DLGAP2: variants seen among roughly 807,000 people sequenced by gnomAD.
DLGAP2 encodes disks large-associated protein 2.
DLGAP2 carries 26 observed loss-of-function variants against 100.3 expected under a neutral mutation model. The observed-to-expected ratio is 0.26, with a 90% CI of 0.19 to 0.36. DLGAP2 has a LOEUF of 0.36. Among genes scored for constraint, DLGAP2 ranks in the 10% least tolerant of loss-of-function variants. The pLI is 1.00. For missense variants in DLGAP2, 1,858 were observed against 1,453.2 expected, an observed-to-expected ratio of 1.28 and a Z score of -4.53; for synonymous variants, 886 against 630.1, an observed-to-expected ratio of 1.41 and a Z score of -6.08.
intron 3 of DLGAP2, among the ~76,000 whole-genome samples, chr8:1,336,262 A>G (rs1446386128): frequency 6.6e-6 from 1 of 152,232 alleles, no homozygotes; most frequent in African/African-American, 2.4e-5. Context: ...CAATGCTAGC[A>G]TGGAAACAGT....
intron 1 of DLGAP2, among the ~76,000 whole-genome samples, chr8:881,190 T>C (rs1433821728): frequency 6.6e-6 from 1 of 152,226 alleles, no homozygotes; most frequent in Non-Finnish European, 1.5e-5. Flanking sequence ...CGACCTAGGA[T>C]AGGGATTTTT....
At chr8:1,489,536 A>G (rs1303615218) in intron 3 of DLGAP2, among the ~76,000 whole-genome samples, 1 of 152,208 alleles carries the variant, frequency 6.6e-6, no homozygotes, top group African/African-American at 2.4e-5. Context: ...CAATTCAGAT[A>G]CTGTCTTTTC....
At position 1,703,610 on chromosome 8, in the gene DLGAP2, G is replaced by T. The variant is rs541512646; in HGVS notation, c.*2204G>T. The T allele has an allele frequency of 3.9e-5, 6 of 152,232 alleles. No homozygotes were observed. The East Asian group carries it at 1.2e-3, about 29-fold the overall frequency. The allele number at this position is 152,232 out of a possible 1,614,324, so 9.4% of individuals were successfully genotyped here. ...TAAAGGCCCGCCACCTCCTCACATT[G>T]GTCTATCTACTGGCAGCTGATACGT... On this transcript the variant is annotated 3_prime_UTR_variant, in exon 15 of 15. Transcript: ENST00000637795.
intron 2 of DLGAP2, among the ~76,000 whole-genome samples, chr8:1,075,316 C>T (rs1339173510): frequency 6.6e-6 from 1 of 152,068 alleles, no homozygotes; most frequent in Non-Finnish European, 1.5e-5. Flanking sequence ...GGAGAGCAGG[C>T]GATGCGGATT....
At chr8:1,221,501 C>T (rs1292989937) in intron 2 of DLGAP2, among the ~76,000 whole-genome samples, 4 of 152,108 alleles carry the variant, frequency 2.6e-5, no homozygotes, top group African/African-American at 7.2e-5. Context: ...TGGTACATGA[C>T]CTGCCTCCTC....
At chr8:1,657,364 G>T (rs938526212) in intron 8 of DLGAP2, among the ~76,000 whole-genome samples, 2 of 152,176 alleles carry the variant, frequency 1.3e-5, no homozygotes, top group Admixed American at 6.5e-5. Context: ...AGCTCATAAG[G>T]ATTAGTTGTG....
chr8:1,074,065 T>A (rs369097462), intron 2 of DLGAP2, among the ~76,000 whole-genome samples: 2 of 136,226 alleles, frequency 1.5e-5, no homozygotes, highest in South Asian at 2.4e-4. Flanking sequence ...ACAGAAGGGT[T>A]TGCAGCAGAC....
rs140905102 is a variant in DLGAP2 at position 907,301 on chromosome 8, G to C, written c.19-611G>C. 2.9e-3 allele frequency among the ~76,000 whole-genome samples: 448 copies of C among 152,320 alleles called. 3 individuals are homozygous for C. Among genetic ancestry groups the C allele is most frequent in the African/African-American group, 0.01 (431 of 41,566 alleles). On this transcript the variant is annotated intron_variant, in intron 1 of 14. Coordinates refer to ENST00000637795, the MANE Select transcript of DLGAP2 (RefSeq NM_001346810.2). Reference sequence around the variant, plus strand: ...ATTTCCCACAGACATCTCTTCAGCTGCACGTTACCGGAGTGTGTGCTTTGC... The same window carrying C: ...ATTTCCCACAGACATCTCTTCAGCTCCACGTTACCGGAGTGTGTGCTTTGC...
At chr8:1,496,768 T>C (rs1024154985) in intron 3 of DLGAP2, among the ~76,000 whole-genome samples, 1 of 152,090 alleles carries the variant, frequency 6.6e-6, no homozygotes, top group African/African-American at 2.4e-5. Context: ...AGGTCCACGC[T>C]CTCCAGGCGG....
At chr8:1,029,892 C>A (rs1026540439) in intron 2 of DLGAP2, among the ~76,000 whole-genome samples, 54 of 152,082 alleles carry the variant, frequency 3.6e-4, no homozygotes, top group Non-Finnish European at 7.1e-4. Flanking sequence ...CAGAAAGACT[C>A]TTGCAGACAC....
chr8:969,176 C>G (rs1193155463), intron 2 of DLGAP2, among the ~76,000 whole-genome samples: 1 of 152,192 alleles, frequency 6.6e-6, no homozygotes, highest in Non-Finnish European at 1.5e-5. Flanking sequence ...AAAGACCTGA[C>G]TAGAATGAAG....
At chr8:863,585 A>G (rs1474294011) in intron 1 of DLGAP2, among the ~76,000 whole-genome samples, 2 of 152,042 alleles carry the variant, frequency 1.3e-5, no homozygotes, top group Non-Finnish European at 2.9e-5. Context: ...CACTCTGTTG[A>G]TTGTTTCCTT....
At chr8:746,737 A>G (rs1486646449) in intron 1 of DLGAP2, among the ~76,000 whole-genome samples, 1 of 152,202 alleles carries the variant, frequency 6.6e-6, no homozygotes, top group African/African-American at 2.4e-5. Flanking sequence ...GTCCCACACA[A>G]AACAGAAACT....
chr8:1,172,672 A>G (rs7831286), intron 2 of DLGAP2, among the ~76,000 whole-genome samples: 28,255 of 151,916 alleles, frequency 0.19, 2,772 homozygotes, highest in Middle Eastern at 0.34. Context: ...CCAGTTGATC[A>G]CATCGGCTCC....
chr8:819,660 C>G (rs1053722607), intron 1 of DLGAP2, among the ~76,000 whole-genome samples: 2 of 152,102 alleles, frequency 1.3e-5, no homozygotes, highest in Admixed American at 6.5e-5. Flanking sequence ...CTGTGCATGA[C>G]AGAGTAGTGG....
At chr8:1,199,937 T>TCCCC (rs144044624) in intron 2 of DLGAP2, among the ~76,000 whole-genome samples, 2 of 150,788 alleles carry the variant, frequency 1.3e-5, no homozygotes, top group East Asian at 2.0e-4. Flanking sequence ...GTGGAAGGAT[T>TCCCC]CCCCCCCACA....
chr8:1,548,013 A>C (rs1801600484), intron 4 of DLGAP2, among the ~76,000 whole-genome samples: 1 of 152,236 alleles, frequency 6.6e-6, no homozygotes, highest in African/African-American at 2.4e-5. Flanking sequence ...TGTGAAATAC[A>C]ACTATGCTTT....
rs111596666 is a variant in DLGAP2, at chr8:1,175,244, T to TA, written c.74-83597dup. ...AGAAATGTCTTCACATGCTTGATTT[T>TA]AAAAAAAAAACCTAAGAAGTGTGTT... On this transcript the variant is annotated intron_variant, in intron 2 of 14. Coordinates refer to ENST00000637795, the MANE Select transcript of DLGAP2 (RefSeq NM_001346810.2). 1.0e-3 allele frequency among the ~76,000 whole-genome samples: 152 copies of TA among 149,772 alleles called. 1 individual carries two copies. The highest frequency in any genetic ancestry group is 1.6e-3 in the African/African-American group (64 of 40,920).
At chr8:785,402 C>G (rs184315888) in intron 1 of DLGAP2, among the ~76,000 whole-genome samples, 2 of 149,522 alleles carry the variant, frequency 1.3e-5, no homozygotes, top group South Asian at 4.2e-4. Flanking sequence ...GGCTTCTCTC[C>G]TCCCCTCAGG....
Sources: allele counts gnomAD v4.1 joint callset (sites outside exome capture counted in the v4.1 genomes callset), GRCh38; gene constraint gnomAD v4.1.1; transcripts MANE v1.5; gene names NCBI Gene and HGNC (gene_info 2026-07-23, HGNC 2026-07-21).